REPS1: variants seen among roughly 807,000 people sequenced by gnomAD.
REPS1 encodes RALBP1 associated Eps domain containing 1.
A neutral mutation model predicts 100.9 loss-of-function variants in REPS1; 39 were observed. The observed-to-expected ratio is 0.39, with a 90% CI of 0.30 to 0.50. The LOEUF (loss-of-function observed/expected upper bound fraction) is 0.50. REPS1 is among the 20% of genes least tolerant of loss of function. The probability of loss-of-function intolerance (pLI) is 0.86; values close to 1 mark genes in which losing one functional copy is unlikely to be tolerated. For missense variants in REPS1, 821 were observed against 968.5 expected (o/e 0.85, Z 2.02); for synonymous variants, 324 against 340.3 (o/e 0.95, Z 0.53).
intron 1 of REPS1, among the ~76,000 whole-genome samples, chr6:138,982,721 C>T (rs1785023524): frequency 6.6e-6 from 1 of 152,192 alleles, no homozygotes; most frequent in Non-Finnish European, 1.5e-5. Flanking sequence ...AAAGCATGCA[C>T]TCCTTCACTT....
At chr6:138,944,753 AT>A in intron 4 of REPS1, 131 bp from the exon 5 acceptor site, 1 of 754,204 alleles carries the variant, frequency 1.3e-6, no homozygotes. Context: ...TCTATTAGAA[AT>A]TATACCTCAT....
intron 1 of REPS1, among the ~76,000 whole-genome samples, chr6:138,974,712 A>G (rs1251729762): frequency 6.6e-6 from 1 of 152,208 alleles, no homozygotes; most frequent in East Asian, 1.9e-4. Flanking sequence ...AATCTCTGGG[A>G]CAATATCAGA....
rs71013004 is a variant in REPS1, at chr6:138,969,269, A to ATTTTTTT, written c.153+18254_153+18260dup. Among the ~76,000 whole-genome samples, 55 of 74,250 alleles carry ATTTTTTT rather than the reference A, an allele frequency of 7.4e-4. 4 individuals are homozygous for ATTTTTTT. The highest frequency in any genetic ancestry group is 9.6e-4 in the African/African-American group (20 of 20,896). The allele number at this position is 74,250 out of a possible 152,430, so 48.7% of individuals were successfully genotyped here. On this transcript the variant is annotated intron_variant, in intron 1 of 19. Coordinates refer to ENST00000450536, the MANE Select transcript of REPS1 (RefSeq NM_001286611.2). ...ACACAATCTATGATACAAAGCTGTA[A>ATTTTTTT]TTTTTTTTTTTTTTTTTTTTTTTTT...
intron 10 of REPS1, among the ~76,000 whole-genome samples, chr6:138,925,190 TACAC>T (rs3070143): frequency 3.0e-4 from 45 of 147,990 alleles, no homozygotes; most frequent in Non-Finnish European, 5.5e-4. Context: ...TACTAAAAAA[TACAC>T]ACACACACAC....
chr6:138,915,873 A>C lies in REPS1; in HGVS notation c.1705T>G (p.Phe569Val), dbSNP rs1042728099. 2 of 1,610,110 alleles carry C rather than the reference A, an allele frequency of 1.2e-6. No homozygotes were observed. Among genetic ancestry groups the C allele is most frequent in the Admixed American group, 1.7e-5 (1 of 60,006 alleles). ...TAGCCCCTACCTGTGGTGACTGTAA[A>C]GGTCCGATTCATATCTAAAGATGAT... ...RSSSLDMNRT[F>V]TVTTGQQQAG... The change falls in exon 14 of 20, where the codon TTT (phenylalanine) becomes GTT (valine). Residue 569 changes from phenylalanine to valine, a missense_variant. Transcript: ENST00000450536.
chr6:138,955,177 T>C (rs1326588832), intron 1 of REPS1, among the ~76,000 whole-genome samples: 6 of 152,102 alleles, frequency 3.9e-5, no homozygotes, highest in African/African-American at 1.4e-4. Context: ...CCATCAGGTA[T>C]GATGGCTCAC....
At chr6:138,936,716 G>T (rs1006238085) in intron 8 of REPS1, among the ~76,000 whole-genome samples, 1 of 151,630 alleles carries the variant, frequency 6.6e-6, no homozygotes, top group Non-Finnish European at 1.5e-5. Context: ...TGCAACTAAG[G>T]GTATCTGAAT....
intron 8 of REPS1, among the ~76,000 whole-genome samples, chr6:138,936,624 G>T (rs900320927): frequency 5.2e-5 from 7 of 135,680 alleles, no homozygotes; most frequent in Non-Finnish European, 9.6e-5. Context: ...AGTATGTTTG[G>T]GGGGGGGTAG....
At position 138,904,893 on chromosome 6, in the gene REPS1, C is replaced by T. The variant is rs1484638333; in HGVS notation, c.*171G>A. 2 of 527,876 alleles carry T rather than the reference C, an allele frequency of 3.8e-6. No homozygotes were observed. The highest frequency in any genetic ancestry group is 1.9e-5 in the African/African-American group (1 of 51,706). 32.7% of individuals were successfully genotyped at this position (527,876 alleles called of 1,614,324 possible). A position where few individuals can be genotyped will look rare whatever the true frequency, so the allele number is the denominator to read the frequency against. On this transcript the variant is annotated 3_prime_UTR_variant, in exon 20 of 20. Coordinates refer to ENST00000450536, the MANE Select transcript of REPS1 (RefSeq NM_001286611.2). ...AACGCCATCCTGACCTTTTTATTGTCGAAATTAAAAAATAAAAGATACTTA... is the reference window on the plus strand; with the variant it reads ...AACGCCATCCTGACCTTTTTATTGTTGAAATTAAAAAATAAAAGATACTTA...
chr6:138,944,668 A>T (rs765475213), intron 4 of REPS1, 46 bp from the exon 5 acceptor site: 129 of 1,570,290 alleles, frequency 8.2e-5, no homozygotes, highest in Non-Finnish European at 1.0e-4. Flanking sequence ...TTGAGGAAAA[A>T]AGTTACTAGG....
intron 2 of REPS1, among the ~76,000 whole-genome samples, chr6:138,946,787 T>C (rs915352096): frequency 2.0e-5 from 3 of 152,354 alleles, no homozygotes; most frequent in Non-Finnish European, 2.9e-5. Flanking sequence ...TGCATTTAAG[T>C]GCCTTTCTTT....
chr6:138,910,633 T>C lies in REPS1; in HGVS notation c.2067+643A>G, dbSNP rs905947096. On this transcript the variant is annotated intron_variant, in intron 17 of 19. Transcript: ENST00000450536. ...ACTCTCAAAGTGCTGGGATTACTGGTGTGAGCCACTGTGTCCGGCATAACC... is the reference window on the plus strand; with the variant it reads ...ACTCTCAAAGTGCTGGGATTACTGGCGTGAGCCACTGTGTCCGGCATAACC... Among the ~76,000 whole-genome samples the C allele has an allele frequency of 1.6e-4, 24 of 152,214 alleles. 1 individual carries two copies. The highest frequency in any genetic ancestry group is 1.2e-3 in the Admixed American group (19 of 15,276).
chr6:138,952,967 A>G (rs1433215055), intron 1 of REPS1, among the ~76,000 whole-genome samples: 1 of 150,848 alleles, frequency 6.6e-6, no homozygotes, highest in East Asian at 2.0e-4. Flanking sequence ...CATCCCAAGT[A>G]GCTGGGATTA....
chr6:138,917,447 C>T, intron 13 of REPS1, 108 bp downstream of exon 13: 1 of 830,078 alleles, frequency 1.2e-6, no homozygotes, highest in South Asian at 1.7e-5. Flanking sequence ...AAAAAGTAAC[C>T]TAACAGCTTT....
intron 11 of REPS1, 50 bp from the exon 12 acceptor site, chr6:138,920,366 A>G: frequency 1.1e-6 from 1 of 923,594 alleles, no homozygotes; most frequent in South Asian, 1.4e-5. Flanking sequence ...ATTTGAACTG[A>G]TAAACTCATA....
chr6:138,930,463 C>T (rs184523512), intron 8 of REPS1, among the ~76,000 whole-genome samples: 1 of 152,240 alleles, frequency 6.6e-6, no homozygotes, highest in Admixed American at 6.5e-5. Context: ...AGTAAGGTGG[C>T]TTTGAAAAAT....
intron 8 of REPS1, among the ~76,000 whole-genome samples, chr6:138,939,223 C>T (rs980417365): frequency 7.9e-5 from 12 of 152,030 alleles, no homozygotes; most frequent in African/African-American, 2.9e-4. Flanking sequence ...TAATATAATA[C>T]CGTGTGATCC....
chr6:138,983,259 CTGGCCAATA>C (rs1785054950), intron 1 of REPS1, among the ~76,000 whole-genome samples: 1 of 152,174 alleles, frequency 6.6e-6, no homozygotes, highest in Non-Finnish European at 1.5e-5. Flanking sequence ...CAAGACCAGC[CTGGCCAATA>C]TGGTGAAACC....
Position 138,914,577 on chromosome 6 carries a change from G to A in REPS1, c.1785+120C>T, listed in dbSNP as rs1780227507. 5 of 762,440 alleles carry A rather than the reference G, an allele frequency of 6.6e-6. No individual in the cohort carries two copies. In the Admixed American group the frequency reaches 9.1e-5, roughly 14 times the overall value. The allele number at this position is 762,440 out of a possible 1,614,324, so 47.2% of individuals were successfully genotyped here. On this transcript the variant is annotated intron_variant, in intron 15 of 19. Transcript: ENST00000450536. ...GAGATTCAGCCTCACTGAATTAAATGCTCATTAAAGATTACCAACAGATCA... is the reference window on the plus strand; with the variant it reads ...GAGATTCAGCCTCACTGAATTAAATACTCATTAAAGATTACCAACAGATCA...
Sources: gnomAD v4.1 joint callset for allele counts (sites outside exome capture counted in the v4.1 genomes callset) on GRCh38, gnomAD v4.1.1 for gene constraint, MANE v1.5 for transcripts, NCBI Gene and HGNC (gene_info 2026-07-23, HGNC 2026-07-21) for gene names.